NLGN1: variants seen among roughly 807,000 people sequenced by gnomAD.
NLGN1 encodes the protein neuroligin 1.
In NLGN1, 12 loss-of-function variants were observed where a neutral mutation model predicts 65.5. The ratio of observed to expected loss-of-function variants is 0.18; its 90% confidence interval spans 0.12 to 0.30. NLGN1 has a LOEUF of 0.30. Ranked by LOEUF, NLGN1 falls within the 10% of genes least tolerant of loss-of-function variation. The pLI is 1.00. For missense variants in NLGN1, 750 were observed against 1,007.1 expected (o/e 0.74, Z 3.46); for synonymous variants, 350 against 359.5 (o/e 0.97, Z 0.30).
At chr3:174,248,534 C>T (rs768208367) in intron 4 of NLGN1, among the ~76,000 whole-genome samples, 10 of 152,076 alleles carry the variant, frequency 6.6e-5, no homozygotes, top group South Asian at 6.2e-4. Context: ...CCGAGGCAGG[C>T]GGATCACCTG....
chr3:173,779,332 G>A (rs1032263965), intron 3 of NLGN1, among the ~76,000 whole-genome samples: 16 of 151,504 alleles, frequency 1.1e-4, no homozygotes, highest in African/African-American at 3.9e-4. Flanking sequence ...AAATCCCTCA[G>A]GACCAACATT....
At chr3:173,946,023 T>G (rs1275466463) in intron 4 of NLGN1, among the ~76,000 whole-genome samples, 1 of 152,258 alleles carries the variant, frequency 6.6e-6, no homozygotes, top group Non-Finnish European at 1.5e-5. Flanking sequence ...TGTTTATGTG[T>G]CTGTGCCATC....
At chr3:173,611,509 A>G (rs935350589) in intron 3 of NLGN1, among the ~76,000 whole-genome samples, 4 of 152,100 alleles carry the variant, frequency 2.6e-5, no homozygotes, top group African/African-American at 7.2e-5. Context: ...AAATCACCAC[A>G]CACTGAAATA....
chr3:173,878,702 A>G (rs1732648021), intron 4 of NLGN1, among the ~76,000 whole-genome samples: 1 of 151,114 alleles, frequency 6.6e-6, no homozygotes, highest in Non-Finnish European at 1.5e-5. Context: ...ATATACACAT[A>G]CATATATAAG....
At chr3:173,802,506 G>C (rs1338180236) in intron 3 of NLGN1, among the ~76,000 whole-genome samples, 1 of 152,122 alleles carries the variant, frequency 6.6e-6, no homozygotes, top group Non-Finnish European at 1.5e-5. Flanking sequence ...TCCTACAGGG[G>C]AAAAGAAACC....
intron 2 of NLGN1, among the ~76,000 whole-genome samples, chr3:173,515,544 A>G (rs79605285): frequency 0.03 from 4,617 of 152,176 alleles, 67 homozygotes; most frequent in Middle Eastern, 0.048. Flanking sequence ...TGGTGTCAAC[A>G]TTCATCAAAT....
intron 4 of NLGN1, among the ~76,000 whole-genome samples, chr3:174,185,835 T>G (rs1480850888): frequency 6.6e-6 from 1 of 152,010 alleles, no homozygotes; most frequent in African/African-American, 2.4e-5. Flanking sequence ...AAAAACCTGT[T>G]GAAATGCTGA....
At chr3:174,039,234 T>C (rs1469419197) in intron 4 of NLGN1, among the ~76,000 whole-genome samples, 1 of 151,654 alleles carries the variant, frequency 6.6e-6, no homozygotes, top group Non-Finnish European at 1.5e-5. Flanking sequence ...AATATATATA[T>C]ATAAATATAA....
intron 4 of NLGN1, among the ~76,000 whole-genome samples, chr3:173,916,891 G>T (rs1266968260): frequency 6.6e-6 from 1 of 152,160 alleles, no homozygotes; most frequent in Non-Finnish European, 1.5e-5. Flanking sequence ...GGTTTCCTGT[G>T]ATTGGACCAA....
chr3:173,414,196 C>G (rs1713196313), intron 1 of NLGN1, among the ~76,000 whole-genome samples: 1 of 152,142 alleles, frequency 6.6e-6, no homozygotes, highest in Non-Finnish European at 1.5e-5. Flanking sequence ...TGCAAGCAAA[C>G]TGGTAGCTGT....
intron 4 of NLGN1, among the ~76,000 whole-genome samples, chr3:174,120,727 C>T (rs1297928040): frequency 4.6e-5 from 7 of 152,126 alleles, no homozygotes; most frequent in Non-Finnish European, 1.0e-4. Context: ...ATCTCTTTCT[C>T]TCTCTCTCTC....
intron 4 of NLGN1, among the ~76,000 whole-genome samples, chr3:174,073,727 C>G (rs1175661268): frequency 6.6e-6 from 1 of 152,132 alleles, no homozygotes; most frequent in Non-Finnish European, 1.5e-5. Context: ...ACCAAAACTT[C>G]TGGAATATGA....
intron 4 of NLGN1, among the ~76,000 whole-genome samples, chr3:174,055,790 G>A (rs1228838851): frequency 2.0e-5 from 3 of 151,922 alleles, no homozygotes; most frequent in Non-Finnish European, 4.4e-5. Context: ...CATATTACAA[G>A]CACTCAATAA....
intron 2 of NLGN1, among the ~76,000 whole-genome samples, chr3:173,471,331 C>T (rs1354374048): frequency 6.6e-6 from 1 of 152,020 alleles, no homozygotes; most frequent in Non-Finnish European, 1.5e-5. Context: ...TAGGATTGGT[C>T]CTTCTGAGGG....
intron 2 of NLGN1, among the ~76,000 whole-genome samples, chr3:173,479,990 G>A (rs891038263): frequency 2.6e-5 from 4 of 152,068 alleles, no homozygotes; most frequent in Admixed American, 2.0e-4. Context: ...AAGAGAACCA[G>A]AAAGAAAGCT....
intron 4 of NLGN1, among the ~76,000 whole-genome samples, chr3:173,809,786 G>T (rs1717492633): frequency 1.3e-5 from 2 of 152,184 alleles, no homozygotes; most frequent in Non-Finnish European, 2.9e-5. Context: ...ATGCCGCACT[G>T]TGAGGATTGG....
intron 2 of NLGN1, among the ~76,000 whole-genome samples, chr3:173,537,508 T>TG (rs1737650005): frequency 5.5e-5 from 6 of 108,546 alleles, no homozygotes; most frequent in East Asian, 3.5e-4. Flanking sequence ...GTGTGTGTGT[T>TG]TGTGTGTGTG....
chr3:173,397,759 C>G (rs957892387), upstream of NLGN1: 14 of 152,122 alleles, frequency 9.2e-5, no homozygotes, highest in Admixed American at 8.5e-4. Context: ...GGCTGTAAGC[C>G]GAGGATCAGG....
intron 2 of NLGN1, among the ~76,000 whole-genome samples, chr3:173,586,520 A>G (rs1481992637): frequency 6.6e-6 from 1 of 152,220 alleles, no homozygotes; most frequent in Non-Finnish European, 1.5e-5. Context: ...TGAAGCATGC[A>G]TGTGAGATTT....
Sources: allele counts gnomAD v4.1 joint callset (sites outside exome capture counted in the v4.1 genomes callset), GRCh38; gene constraint gnomAD v4.1.1; transcripts MANE v1.5; gene names NCBI Gene and HGNC (gene_info 2026-07-23, HGNC 2026-07-21).